Variants in EEF1AKMT1 observed in about 807,000 individuals in gnomAD.
EEF1AKMT1 encodes N-6 adenine-specific DNA methyltransferase 2 (putative).
A neutral mutation model predicts 21.0 loss-of-function variants in EEF1AKMT1; 18 were observed. That is an observed-to-expected ratio of 0.86 (90% CI 0.59 to 1.27). EEF1AKMT1 has a LOEUF of 1.27. Among genes scored for constraint, EEF1AKMT1 ranks in the 50% most tolerant of loss-of-function variants. The pLI is 0.00. For synonymous variants in EEF1AKMT1, 109 were observed against 94.8 expected (o/e 1.15, Z -0.87); for missense variants, 246 against 258.6 (o/e 0.95, Z 0.33).
At chr13:20,735,453 C>T (rs1368056707) in intron 3 of EEF1AKMT1, among the ~76,000 whole-genome samples, 2 of 152,148 alleles carry the variant, frequency 1.3e-5, no homozygotes, top group East Asian at 3.9e-4. Flanking sequence ...TTAAGTTAAA[C>T]GCATTGGATG....
chr13:20,739,849 C>T (rs776379810), intron 2 of EEF1AKMT1, among the ~76,000 whole-genome samples: 2 of 152,262 alleles, frequency 1.3e-5, no homozygotes, highest in Non-Finnish European at 2.9e-5. Context: ...CCACCTGACT[C>T]AGGAGCCCAG....
intron 4 of EEF1AKMT1, among the ~76,000 whole-genome samples, chr13:20,729,677 C>A (rs979451448): frequency 1.3e-5 from 2 of 152,136 alleles, no homozygotes; most frequent in Non-Finnish European, 2.9e-5. Flanking sequence ...CCGCCCTGGG[C>A]CCACAGCGCA....
intron 4 of EEF1AKMT1, 34 bp downstream of exon 4, chr13:20,731,807 G>C: frequency 6.3e-7 from 1 of 1,583,870 alleles, no homozygotes; most frequent in Non-Finnish European, 8.6e-7. Flanking sequence ...GCCACTGTCA[G>C]TGACTTTGAT....
At position 20,732,029 on chromosome 13, in the gene EEF1AKMT1, C is replaced by A; in HGVS notation, c.320G>T (p.Arg107Ile). The A allele has an allele frequency of 5.0e-6, 8 of 1,614,202 alleles. No homozygotes were observed. Among genetic ancestry groups the A allele is most frequent in the Non-Finnish European group, 6.8e-6 (8 of 1,180,040 alleles). ...AAACTCCTCTCCATACATGGCAAAT[C>A]TTTTGTCATATTCAAAGATGTATAT... is the stretch of plus-strand genomic sequence containing the variant. ...FSIYIFEYDK[R>I]FAMYGEEFIF... The change falls in exon 4 of 5, where the codon AGA (arginine) becomes ATA (isoleucine). Residue 107 changes from arginine to isoleucine, a missense_variant. Arg to Ile is a moderately conservative substitution (Grantham distance 97). Coordinates refer to ENST00000382758, the MANE Select transcript of EEF1AKMT1 (RefSeq NM_001318939.2).
chr13:20,750,458 C>T (rs2058934392), intron 2 of EEF1AKMT1, among the ~76,000 whole-genome samples: 1 of 152,124 alleles, frequency 6.6e-6, no homozygotes, highest in Non-Finnish European at 1.5e-5. Flanking sequence ...TCTTTCTGTG[C>T]CTGGCTTATT....
chr13:20,733,360 C>T (rs184860861), intron 3 of EEF1AKMT1, among the ~76,000 whole-genome samples: 101 of 152,218 alleles, frequency 6.6e-4, no homozygotes, highest in African/African-American at 2.2e-3. Flanking sequence ...TCCCAAAGTA[C>T]TGAGATTACA....
intron 1 of EEF1AKMT1, among the ~76,000 whole-genome samples, chr13:20,764,289 A>G (rs895571217): frequency 1.4e-4 from 21 of 151,994 alleles, no homozygotes; most frequent in Non-Finnish European, 2.8e-4. Flanking sequence ...GTACTTTTAA[A>G]TTTCTCTCTG....
chr13:20,737,537 ATGAATAGGT>A (rs1287683925), intron 3 of EEF1AKMT1, among the ~76,000 whole-genome samples, 177 bp downstream of exon 3: 1 of 152,222 alleles, frequency 6.6e-6, no homozygotes, highest in Non-Finnish European at 1.5e-5. Context: ...ACATTCCACA[ATGAATAGGT>A]TTCTGAGTGG....
intron 1 of EEF1AKMT1, among the ~76,000 whole-genome samples, chr13:20,763,993 TTC>T (rs1171922753): frequency 2.0e-5 from 3 of 152,308 alleles, no homozygotes; most frequent in South Asian, 2.1e-4. Flanking sequence ...TGTCAGTAAT[TTC>T]TGTTTTCTCT....
chr13:20,763,512 G>T (rs2059011992), intron 1 of EEF1AKMT1, among the ~76,000 whole-genome samples: 1 of 151,868 alleles, frequency 6.6e-6, no homozygotes, highest in Admixed American at 6.6e-5. Flanking sequence ...GAGTGCAATG[G>T]CTCGATCTCA....
intron 1 of EEF1AKMT1, among the ~76,000 whole-genome samples, chr13:20,769,740 A>T (rs2059053797): frequency 6.6e-6 from 1 of 152,190 alleles, no homozygotes. Flanking sequence ...TTATTTTTCA[A>T]CATAAAAATT....
At chr13:20,766,796 T>C (rs1184774570) in intron 1 of EEF1AKMT1, among the ~76,000 whole-genome samples, 2 of 151,818 alleles carry the variant, frequency 1.3e-5, no homozygotes. Context: ...CACTCCAGCC[T>C]GGGCGACAGA....
chr13:20,753,343 T>C (rs556360581), intron 2 of EEF1AKMT1, among the ~76,000 whole-genome samples: 1 of 152,272 alleles, frequency 6.6e-6, no homozygotes, highest in South Asian at 2.1e-4. Flanking sequence ...TTGTTTTCTG[T>C]CCAAACATAA....
chr13:20,739,005 T>A (rs1269072568), intron 2 of EEF1AKMT1, among the ~76,000 whole-genome samples: 1 of 152,196 alleles, frequency 6.6e-6, no homozygotes, highest in East Asian at 1.9e-4. Context: ...AAAGATAGTG[T>A]GCCCAGAGTT....
intron 2 of EEF1AKMT1, chr13:20,748,008 C>T: frequency 4.0e-6 from 1 of 247,814 alleles, no homozygotes; most frequent in Admixed American, 4.1e-5. Flanking sequence ...ACCACCATCA[C>T]CAACCAATAC....
At chr13:20,731,755 TG>T in intron 4 of EEF1AKMT1, 85 bp downstream of exon 4, 1 of 1,349,414 alleles carries the variant, frequency 7.4e-7, no homozygotes, top group Non-Finnish European at 1.0e-6. Flanking sequence ...ACACAGGAAG[TG>T]GTGGACTCAG....
At chr13:20,755,548 T>A (rs769167651) in intron 2 of EEF1AKMT1, among the ~76,000 whole-genome samples, 1 of 152,234 alleles carries the variant, frequency 6.6e-6, no homozygotes, top group Non-Finnish European at 1.5e-5. Flanking sequence ...AGGATCCTAA[T>A]TGATCCCTGT....
intron 2 of EEF1AKMT1, 41 bp from the exon 3 acceptor site, chr13:20,737,846 A>G: frequency 2.1e-6 from 3 of 1,436,790 alleles, no homozygotes; most frequent in Non-Finnish European, 2.9e-6. Flanking sequence ...TAGAACTGGC[A>G]TAAGCTTTGT....
intron 2 of EEF1AKMT1, among the ~76,000 whole-genome samples, chr13:20,740,677 C>T (rs1595016599): frequency 6.6e-6 from 1 of 152,168 alleles, no homozygotes. Context: ...GTAGCATGTG[C>T]CTGTAATCCC....
Sources: allele counts gnomAD v4.1 joint callset (sites outside exome capture counted in the v4.1 genomes callset), GRCh38; gene constraint gnomAD v4.1.1; transcripts MANE v1.5; gene names NCBI Gene and HGNC (gene_info 2026-07-23, HGNC 2026-07-21).